Variants in CISD2 observed in about 807,000 individuals in gnomAD.
CISD2 encodes CDGSH iron sulfur domain 2, also known as CDGSH iron-sulfur domain-containing protein 2.
A neutral mutation model predicts 12.9 loss-of-function variants in CISD2; 1 was observed. That is an observed-to-expected ratio of 0.08 (90% CI 0.03 to 0.37). The LOEUF is 0.37. Ranked by LOEUF, CISD2 falls within the 10% of genes least tolerant of loss-of-function variation. The probability of loss-of-function intolerance (pLI) is 0.99; values close to 1 mark genes in which losing one functional copy is unlikely to be tolerated. For synonymous variants in CISD2, 50 were observed against 60.6 expected (o/e 0.83, Z 0.81); for missense variants, 97 against 163.1 (o/e 0.59, Z 2.21).
rs1420740384 is a variant in CISD2 at position 102,890,138 on chromosome 4, CA to C, written c.*2710del. On this transcript the variant is annotated 3_prime_UTR_variant, in exon 3 of 3. Coordinates refer to ENST00000273986, the MANE Select transcript of CISD2 (RefSeq NM_001008388.5). ...TGATTCATTCATATGGGTAATTAAG[CA>C]AGTTGAATTATGGAAAGCACCTCAC... is the stretch of plus-strand genomic sequence containing the variant. 2 of 152,142 alleles carry C rather than the reference CA, an allele frequency of 1.3e-5. No individual in the cohort carries two copies. Among genetic ancestry groups the C allele is most frequent in the Admixed American group, 1.3e-4 (2 of 15,278 alleles). The allele number at this position is 152,142 out of a possible 1,614,324, so 9.4% of individuals were successfully genotyped here.
At chr4:102,872,886 G>C (rs1057370849) in intron 1 of CISD2, among the ~76,000 whole-genome samples, 3 of 152,126 alleles carry the variant, frequency 2.0e-5, no homozygotes, top group Non-Finnish European at 4.4e-5. Context: ...CTGCTATAAA[G>C]AACTACGCAA....
Position 102,891,243 on chromosome 4 carries a change from TCTTA to T in CISD2, c.*3817_*3820del, listed in dbSNP as rs548688719. On this transcript the variant is annotated 3_prime_UTR_variant, in exon 3 of 3. Transcript: ENST00000273986. ...CAGCAGCTACCCAGAGTCTACTTAT[TCTTA>T]CTTCACATTGAATTCTAACAAGTTT... The T allele has an allele frequency of 4.2e-3, 636 of 152,282 alleles. 4 individuals are homozygous for T. Among genetic ancestry groups the T allele is most frequent in the African/African-American group, 0.014 (601 of 41,528 alleles). 9.4% of individuals were successfully genotyped at this position (152,282 alleles called of 1,614,324 possible).
At chr4:102,870,525 A>AT (rs1272102010) in intron 1 of CISD2, among the ~76,000 whole-genome samples, 1 of 152,218 alleles carries the variant, frequency 6.6e-6, no homozygotes, top group Non-Finnish European at 1.5e-5. Flanking sequence ...AGATTTTAAT[A>AT]TTTTTTAAAT....
intron 1 of CISD2, among the ~76,000 whole-genome samples, chr4:102,878,506 G>A (rs920778466): frequency 2.0e-5 from 3 of 152,116 alleles, no homozygotes; most frequent in Admixed American, 6.6e-5. Context: ...TTAAACCTAA[G>A]TTCCGATTTC....
intron 1 of CISD2, among the ~76,000 whole-genome samples, chr4:102,879,166 C>T (rs1057239361): frequency 4.6e-5 from 7 of 151,962 alleles, no homozygotes; most frequent in South Asian, 4.1e-4. Context: ...CCTCCCTTGA[C>T]GTGGGGATTA....
rs916585184 is a variant in CISD2 at position 102,889,600 on chromosome 4, AAAGT to A, written c.*2174_*2177del. ...CATAAAAGGTAATTTTAATACCCCA[AAAGT>A]AAGATGGTTGTACTCTCAGAATAAA... On this transcript the variant is annotated 3_prime_UTR_variant, in exon 3 of 3. Coordinates refer to ENST00000273986, the MANE Select transcript of CISD2 (RefSeq NM_001008388.5). The A allele has an allele frequency of 1.4e-4, 22 of 152,008 alleles. No homozygotes were observed. The highest frequency in any genetic ancestry group is 5.3e-4 in the African/African-American group (22 of 41,448). 9.4% of individuals were successfully genotyped at this position (152,008 alleles called of 1,614,324 possible). A position where few individuals can be genotyped will look rare whatever the true frequency, so the allele number is the denominator to read the frequency against.
intron 1 of CISD2, 184 bp downstream of exon 1, chr4:102,869,371 G>T (rs1394915457): frequency 2.5e-6 from 2 of 791,982 alleles, no homozygotes; most frequent in East Asian, 5.3e-5. Flanking sequence ...GGCAGTCTCC[G>T]GGTGCTTGAT....
At chr4:102,873,394 CTT>C (rs1733511582) in intron 1 of CISD2, among the ~76,000 whole-genome samples, 1 of 152,088 alleles carries the variant, frequency 6.6e-6, no homozygotes. Flanking sequence ...ACCTCAACCT[CTT>C]GAGTAGCTGG....
Position 102,892,088 on chromosome 4 carries a change from TG to T in CISD2, c.*4660del, listed in dbSNP as rs1352232496. 1 of 152,226 alleles carries T rather than the reference TG, an allele frequency of 6.6e-6. No individual in the cohort carries two copies. The highest frequency in any genetic ancestry group is 2.4e-5 in the African/African-American group (1 of 41,476). 9.4% of individuals were successfully genotyped at this position (152,226 alleles called of 1,614,324 possible). ...CTTTCATATATTTTGAGACAAAGTC[TG>T]GCCCTGTCACCCAGGCTGGAGTGCG... is the stretch of plus-strand genomic sequence containing the variant. On this transcript the variant is annotated 3_prime_UTR_variant, in exon 3 of 3. Coordinates refer to ENST00000273986, the MANE Select transcript of CISD2 (RefSeq NM_001008388.5).
chr4:102,872,022 G>C (rs1733466516), intron 1 of CISD2, among the ~76,000 whole-genome samples: 2 of 152,168 alleles, frequency 1.3e-5, no homozygotes, highest in Non-Finnish European at 2.9e-5. Flanking sequence ...ACATTTTCAA[G>C]AGTGAGGCGT....
rs1202921877 is a variant in CISD2 at position 102,891,457 on chromosome 4, T to A, written c.*4027T>A. 6.6e-6 allele frequency: 1 copy of A among 152,198 alleles called. No homozygotes were observed. Among genetic ancestry groups the A allele is most frequent in the Non-Finnish European group, 1.5e-5 (1 of 68,030 alleles). 9.4% of individuals were successfully genotyped at this position (152,198 alleles called of 1,614,324 possible). A position where few individuals can be genotyped will look rare whatever the true frequency, so the allele number is the denominator to read the frequency against. The stretch of plus-strand genomic sequence containing the variant: ...CTGCATACAACTGTCTCTGAGGACA[T>A]CACTGTGATCAAATTATACAAGTGA... On this transcript the variant is annotated 3_prime_UTR_variant, in exon 3 of 3. Coordinates refer to ENST00000273986, the MANE Select transcript of CISD2 (RefSeq NM_001008388.5).
intron 1 of CISD2, 166 bp from the exon 2 acceptor site, chr4:102,885,050 T>G: frequency 1.6e-6 from 1 of 623,720 alleles, no homozygotes; most frequent in Non-Finnish European, 2.9e-6. Context: ...AAGGTGGTCT[T>G]TGGTAGAGCT....
chr4:102,878,996 C>T (rs1020789868), intron 1 of CISD2, among the ~76,000 whole-genome samples: 8 of 152,120 alleles, frequency 5.3e-5, no homozygotes, highest in Admixed American at 2.6e-4. Context: ...AGGAAACTTA[C>T]AATTATGGTG....
chr4:102,869,078 G>A lies in CISD2; in HGVS notation c.-7G>A. 1 of 1,607,712 alleles carries A rather than the reference G, an allele frequency of 6.2e-7. No individual in the cohort carries two copies. The highest frequency in any genetic ancestry group is 8.5e-7 in the Non-Finnish European group (1 of 1,177,628). On this transcript the variant is annotated 5_prime_UTR_variant, in exon 1 of 3. Transcript: ENST00000273986. ...GCTCGGGAGAGGAGTGGACGCCGCT[G>A]GCCAGGATGGTGCTGGAGAGCGTGG...
At chr4:102,884,033 T>C (rs892749308) in intron 1 of CISD2, among the ~76,000 whole-genome samples, 3 of 152,202 alleles carry the variant, frequency 2.0e-5, no homozygotes, top group African/African-American at 4.8e-5. Context: ...AGAGTTCATA[T>C]TGTCTTTCTT....
chr4:102,874,431 A>G (rs1733543924), intron 1 of CISD2: 1 of 152,218 alleles, frequency 6.6e-6, no homozygotes, highest in African/African-American at 2.4e-5. Context: ...ATCACACAAT[A>G]TACCCATATG....
intron 1 of CISD2, among the ~76,000 whole-genome samples, chr4:102,883,237 T>G (rs1230167050): frequency 2.0e-5 from 3 of 152,142 alleles, no homozygotes; most frequent in Non-Finnish European, 4.4e-5. Context: ...CCCTTACACA[T>G]GAAGTCAGTA....
intron 1 of CISD2, among the ~76,000 whole-genome samples, chr4:102,884,518 G>T (rs993577709): frequency 6.6e-6 from 1 of 152,118 alleles, no homozygotes; most frequent in Non-Finnish European, 1.5e-5. Context: ...GTTTATCTTG[G>T]TTTCCTGGTA....
rs1228359710 is a variant in CISD2, at chr4:102,892,298, T to C, written c.*4868T>C. 1.3e-5 allele frequency: 2 copies of C among 152,204 alleles called. No homozygotes were observed. The highest frequency in any genetic ancestry group is 2.9e-5 in the Non-Finnish European group (2 of 68,056). 9.4% of individuals were successfully genotyped at this position (152,204 alleles called of 1,614,324 possible). A position where few individuals can be genotyped will look rare whatever the true frequency, so the allele number is the denominator to read the frequency against. ...GTCTCGAAGTCCTGGACTCAAGTGA[T>C]CCTCCCTGCCTCAGCACTCCCAAAG... is the stretch of plus-strand genomic sequence containing the variant. On this transcript the variant is annotated 3_prime_UTR_variant, in exon 3 of 3. Transcript: ENST00000273986.
Sources: gnomAD v4.1 joint callset for allele counts (sites outside exome capture counted in the v4.1 genomes callset) on GRCh38, gnomAD v4.1.1 for gene constraint, MANE v1.5 for transcripts, NCBI Gene and HGNC (gene_info 2026-07-23, HGNC 2026-07-21) for gene names.